The following RORA variants were observed in gnomAD, a reference collection of about 807,000 sequenced individuals.
The protein encoded by RORA is nuclear receptor ROR-alpha.
In RORA, 7 loss-of-function variants were observed where a neutral mutation model predicts 69.5. The observed-to-expected ratio is 0.10, with a 90% CI of 0.06 to 0.19. RORA has a LOEUF of 0.19. Among genes scored for constraint, RORA ranks in the 10% least tolerant of loss-of-function variants. The pLI is 1.00. For missense variants in RORA, 457 were observed against 663.0 expected, an observed-to-expected ratio of 0.69 and a Z score of 3.41; for synonymous variants, 261 against 240.8, an observed-to-expected ratio of 1.08 and a Z score of -0.78.
rs145796238 is a variant in RORA, at chr15:60,628,488, C to G, written c.196+50169G>C. ...TCAAGGGATCCTCCTGCCTCAGCCT[C>G]TGAAGTAGCTAGGACCATAGGTATG... On this transcript the variant is annotated intron_variant, in intron 2 of 10. Coordinates refer to ENST00000335670, the MANE Select transcript of RORA (RefSeq NM_134261.3). Among the ~76,000 whole-genome samples, 106 of 152,288 alleles carry G rather than the reference C, an allele frequency of 7.0e-4. 2 individuals carry two copies. The East Asian group carries it at 0.017, about 24-fold the overall frequency.
At chr15:60,885,611 A>C (rs1166034934) in intron 1 of RORA, among the ~76,000 whole-genome samples, 1 of 152,218 alleles carries the variant, frequency 6.6e-6, no homozygotes, top group African/African-American at 2.4e-5. Flanking sequence ...ATGTCTGTCT[A>C]CTTTCAATGT....
rs553871477 is a variant in RORA at position 61,202,824 on chromosome 15, C to A, written c.166+26229G>T. ...GTAGGCCCATATGAGAAGCTGAAATCCTAAACCTATGGAATATGCAAACGT... is the reference window on the plus strand; with the variant it reads ...GTAGGCCCATATGAGAAGCTGAAATACTAAACCTATGGAATATGCAAACGT... On this transcript the variant is annotated intron_variant, in intron 1 of 10. Coordinates refer to ENST00000335670, the MANE Select transcript of RORA (RefSeq NM_134261.3). Among the ~76,000 whole-genome samples the A allele has an allele frequency of 4.6e-5, 7 of 152,228 alleles. No homozygotes were observed. In the East Asian group the frequency reaches 1.3e-3, roughly 29 times the overall value.
intron 1 of RORA, among the ~76,000 whole-genome samples, chr15:60,738,853 T>A (rs2071536925): frequency 6.6e-6 from 1 of 152,192 alleles, no homozygotes; most frequent in Non-Finnish European, 1.5e-5. Context: ...GGAAAATCCA[T>A]TCCAGTCCTC....
At chr15:61,074,639 T>G (rs1184724996) in intron 1 of RORA, among the ~76,000 whole-genome samples, 1 of 152,234 alleles carries the variant, frequency 6.6e-6, no homozygotes, top group Non-Finnish European at 1.5e-5. Flanking sequence ...AAAATCATTA[T>G]TCTACTGGAC....
intron 1 of RORA, among the ~76,000 whole-genome samples, chr15:61,075,601 A>G (rs1398853438): frequency 9.9e-5 from 15 of 152,226 alleles, no homozygotes; most frequent in Admixed American, 9.8e-4. Flanking sequence ...AGAACATCCT[A>G]TGAAAGAGAC....
chr15:61,065,294 T>A (rs1190486470), intron 1 of RORA, among the ~76,000 whole-genome samples: 2 of 152,346 alleles, frequency 1.3e-5, no homozygotes, highest in East Asian at 1.9e-4. Flanking sequence ...CATATCTGTA[T>A]CATCTTTACA....
intron 1 of RORA, among the ~76,000 whole-genome samples, chr15:61,066,328 C>G (rs1014935956): frequency 3.4e-5 from 5 of 149,250 alleles, no homozygotes; most frequent in Non-Finnish European, 5.9e-5. Flanking sequence ...TATAAAATTT[C>G]TTTCATCTGG....
At chr15:61,099,003 T>A (rs1467299809) in intron 1 of RORA, among the ~76,000 whole-genome samples, 2 of 152,150 alleles carry the variant, frequency 1.3e-5, no homozygotes, top group Non-Finnish European at 1.5e-5. Flanking sequence ...GCAAATTAGG[T>A]TCGTTTACGG....
At chr15:60,900,871 CA>C (rs112193468) in intron 1 of RORA, among the ~76,000 whole-genome samples, 2,330 of 150,684 alleles carry the variant, frequency 0.015, 47 homozygotes, top group African/African-American at 0.054. Flanking sequence ...GACTCCATCT[CA>C]AAAAAAATAA....
intron 1 of RORA, among the ~76,000 whole-genome samples, chr15:60,713,412 C>A (rs1268160665): frequency 6.6e-6 from 1 of 152,176 alleles, no homozygotes; most frequent in Non-Finnish European, 1.5e-5. Context: ...ACTTAAAATT[C>A]TTGGTTCCTA....
intron 1 of RORA, among the ~76,000 whole-genome samples, chr15:61,140,680 A>G (rs900992790): frequency 4.6e-5 from 7 of 151,392 alleles, no homozygotes; most frequent in African/African-American, 1.5e-4. Context: ...TGGATGGGAG[A>G]AAAAAAAACC....
At chr15:60,875,131 C>T (rs186657768) in intron 1 of RORA, among the ~76,000 whole-genome samples, 110 of 152,212 alleles carry the variant, frequency 7.2e-4, no homozygotes, top group Non-Finnish European at 1.2e-3. Flanking sequence ...GTTTACTGAC[C>T]CCTAAGCTGG....
intron 1 of RORA, among the ~76,000 whole-genome samples, chr15:61,079,945 G>A (rs116478260): frequency 6.6e-6 from 1 of 152,288 alleles, no homozygotes; most frequent in African/African-American, 2.4e-5. Context: ...TTGTAATGGA[G>A]ATCATAATAC....
intron 1 of RORA, among the ~76,000 whole-genome samples, chr15:60,786,598 A>G (rs1453495234): frequency 1.3e-5 from 2 of 152,198 alleles, no homozygotes; most frequent in Non-Finnish European, 1.5e-5. Flanking sequence ...TTGACAGTGG[A>G]TCACGTGGCC....
At chr15:60,706,020 G>A (rs1408418113) in intron 1 of RORA, among the ~76,000 whole-genome samples, 1 of 152,170 alleles carries the variant, frequency 6.6e-6, no homozygotes, top group Non-Finnish European at 1.5e-5. Flanking sequence ...AGGAAATGGA[G>A]CTATAGAAAG....
At chr15:60,602,666 A>C (rs1326500122) in intron 2 of RORA, among the ~76,000 whole-genome samples, 4 of 152,250 alleles carry the variant, frequency 2.6e-5, no homozygotes, top group Non-Finnish European at 5.9e-5. Context: ...AACTAGAACT[A>C]CTGTAAAACA....
intron 1 of RORA, among the ~76,000 whole-genome samples, chr15:61,163,775 A>G (rs2079517497): frequency 6.6e-6 from 1 of 152,160 alleles, no homozygotes; most frequent in Non-Finnish European, 1.5e-5. Context: ...GCTCGCACAC[A>G]ATCACACACC....
At chr15:60,497,745 CCA>C in intron 10 of RORA, 126 bp from the exon 11 acceptor site, 1 of 756,396 alleles carries the variant, frequency 1.3e-6, no homozygotes, top group Non-Finnish European at 2.2e-6. Flanking sequence ...ACTTAAACAT[CCA>C]GTAGCAGAGG....
Position 60,787,955 on chromosome 15 carries a change from C to T in RORA, c.167-109269G>A, listed in dbSNP as rs539091012. On this transcript the variant is annotated intron_variant, in intron 1 of 10. Transcript: ENST00000335670. Reference sequence around the variant, plus strand: ...GCTGGGGATACTGCAGTGGGTGAAACAGCCCAGTTCCTACCCTCATGGAGC... The same window carrying T: ...GCTGGGGATACTGCAGTGGGTGAAATAGCCCAGTTCCTACCCTCATGGAGC... Among the ~76,000 whole-genome samples the T allele has an allele frequency of 2.3e-3, 348 of 152,354 alleles. 1 individual carries two copies. Among genetic ancestry groups the T allele is most frequent in the Middle Eastern group, 6.8e-3 (2 of 294 alleles).
Sources: allele counts gnomAD v4.1 joint callset (sites outside exome capture counted in the v4.1 genomes callset), GRCh38; gene constraint gnomAD v4.1.1; transcripts MANE v1.5; gene names NCBI Gene and HGNC (gene_info 2026-07-23, HGNC 2026-07-21).